The following BPIFB3 variants were observed in gnomAD, a reference collection of about 807,000 sequenced individuals.
BPIFB3 encodes the protein BPI fold containing family B member 3.
BPIFB3 carries 49 observed loss-of-function variants against 53.1 expected under a neutral mutation model. The observed-to-expected ratio is 0.92, with a 90% CI of 0.73 to 1.17. The LOEUF (loss-of-function observed/expected upper bound fraction) is 1.17. Among genes scored for constraint, BPIFB3 ranks in the 50% most tolerant of loss-of-function variants. The pLI, the probability that BPIFB3 is intolerant of heterozygous loss-of-function variation, is 0.00. For synonymous variants in BPIFB3, 271 were observed against 269.6 expected, an observed-to-expected ratio of 1.01 and a Z score of -0.05; for missense variants, 628 against 592.5, an observed-to-expected ratio of 1.06 and a Z score of -0.62.
upstream of BPIFB3, among the ~76,000 whole-genome samples, chr20:33,054,692 C>A (rs891830125): frequency 6.6e-6 from 1 of 152,116 alleles, no homozygotes; most frequent in South Asian, 2.1e-4. Context: ...CCCAGGGCAG[C>A]GGGGAGCCAC....
intron 14 of BPIFB3, 55 bp downstream of exon 15, chr20:33,072,848 G>T: frequency 7.0e-7 from 1 of 1,427,454 alleles, no homozygotes; most frequent in Non-Finnish European, 9.9e-7. Context: ...TCTCTGGAAA[G>T]CTCTGCTTGA....
chr20:33,057,197 C>CTT (rs145254822), intron 2 of BPIFB3, among the ~76,000 whole-genome samples: 2 of 150,934 alleles, frequency 1.3e-5, no homozygotes, highest in African/African-American at 4.9e-5. Flanking sequence ...TTTTTTTTCC[C>CTT]TTTTTTTTTG....
intron 8 of BPIFB3, among the ~76,000 whole-genome samples, chr20:33,066,359 A>C (rs1299019949): frequency 2.0e-5 from 3 of 152,234 alleles, no homozygotes; most frequent in African/African-American, 7.2e-5. Flanking sequence ...ATTTATAAAT[A>C]CTAGAAATAA....
At position 33,061,748 on chromosome 20, in the gene BPIFB3, A is replaced by G. The variant is rs763622691; in HGVS notation, c.528-20A>G. 2.5e-6 allele frequency: 4 copies of G among 1,613,440 alleles called. No individual in the cohort carries two copies. Among genetic ancestry groups the G allele is most frequent in the Non-Finnish European group, 3.4e-6 (4 of 1,179,588 alleles). ...CCGTCCACCTGGCAGCCGCACCCAC[A>G]TGTGTCTCCCTCTGCTCAGGCTGCT... On this transcript the variant is annotated intron_variant, in intron 4 of 14. Transcript: ENST00000375494.
chr20:33,067,632 G>A (rs530453839), intron 9 of BPIFB3, among the ~76,000 whole-genome samples: 1 of 152,218 alleles, frequency 6.6e-6, no homozygotes, highest in Admixed American at 6.5e-5. Flanking sequence ...GAAGGGATGC[G>A]ATTGGAGTCA....
chr20:33,064,520 C>T (rs1345555522), exon 7 of BPIFB3: 1 of 1,614,108 alleles, frequency 6.2e-7, no homozygotes, highest in Middle Eastern at 1.6e-4. Flanking sequence ...CCTCTCATCT[C>T]CAACCAGTAC....
chr20:33,066,479 C>G (rs959347879), intron 8 of BPIFB3, among the ~76,000 whole-genome samples: 12 of 152,208 alleles, frequency 7.9e-5, no homozygotes, highest in African/African-American at 2.9e-4. Flanking sequence ...TTGAAGTTAG[C>G]CTGCCCAGGT....
upstream of BPIFB3, among the ~76,000 whole-genome samples, chr20:33,054,578 T>A (rs1056446949): frequency 6.6e-6 from 1 of 152,136 alleles, no homozygotes; most frequent in African/African-American, 2.4e-5. Context: ...GAACCGCATG[T>A]GCAAAGGCCC....
At chr20:33,054,048 T>TG (rs961257632), upstream of BPIFB3, among the ~76,000 whole-genome samples, 1 of 152,018 alleles carries the variant, frequency 6.6e-6, no homozygotes, top group African/African-American at 2.4e-5. Flanking sequence ...ATATGAATGA[T>TG]GGGCACGGAA....
intron 5 of BPIFB3, among the ~76,000 whole-genome samples, chr20:33,062,898 C>T (rs983951994): frequency 1.3e-5 from 2 of 152,136 alleles, no homozygotes; most frequent in African/African-American, 4.8e-5. Flanking sequence ...GAGTTTGGGG[C>T]CCCCACTTGA....
chr20:33,055,836 G>A (rs1980179733), intron 1 of BPIFB3, among the ~76,000 whole-genome samples: 1 of 152,198 alleles, frequency 6.6e-6, no homozygotes, highest in African/African-American at 2.4e-5. Flanking sequence ...AAGAGGTCGA[G>A]GGGAGGGTGC....
chr20:33,069,170 T>C (rs1980786770), intron 10 of BPIFB3, among the ~76,000 whole-genome samples, 197 bp downstream of exon 11: 1 of 152,010 alleles, frequency 6.6e-6, no homozygotes, highest in Non-Finnish European at 1.5e-5. Flanking sequence ...TCCTGCCTGC[T>C]CCCTCCTGTC....
intron 5 of BPIFB3, 58 bp from the exon 7 acceptor site, chr20:33,063,557 G>T: frequency 6.4e-7 from 1 of 1,573,882 alleles, no homozygotes; most frequent in Non-Finnish European, 8.7e-7. Flanking sequence ...TAAAGAACAT[G>T]CAGCTGTCCT....
chr20:33,055,414 C>T (rs1191139854), upstream of BPIFB3: 4 of 1,613,054 alleles, frequency 2.5e-6, no homozygotes, highest in Admixed American at 1.7e-5. Context: ...TCCTTCTGCT[C>T]CTTATAGGCA....
At chr20:33,056,040 A>G (rs755793967) in intron 1 of BPIFB3, among the ~76,000 whole-genome samples, 9 of 152,056 alleles carry the variant, frequency 5.9e-5, no homozygotes, top group Admixed American at 2.0e-4. Flanking sequence ...TGCCCTTCCC[A>G]CAGTCTGCAC....
Position 33,068,802 on chromosome 20 carries a change from G to C in BPIFB3, c.979-1G>C. 1 of 1,613,158 alleles carries C rather than the reference G, an allele frequency of 6.2e-7. No individual in the cohort carries two copies. The highest frequency in any genetic ancestry group is 1.1e-5 in the South Asian group (1 of 90,974). The stretch of plus-strand genomic sequence containing the variant: ...TAAGTTATGCCCCTGCATTTCTCCA[G>C]GCCCTGGGGAAGCTGCCCCTGCACC... On this transcript the variant is annotated splice_acceptor_variant, in intron 9 of 14. Coordinates refer to ENST00000375494, the Ensembl canonical transcript of BPIFB3. LOFTEE classifies it high-confidence loss of function.
At position 33,069,887 on chromosome 20, in the gene BPIFB3, G is replaced by A. The variant is rs1600544689; in HGVS notation, c.1150-1G>A. ...GACTTCTGCCTGCTTTGCCCATGCA[G>A]GTCATGACTGTGCGTGCCCAGCTGG... On this transcript the variant is annotated splice_acceptor_variant, in intron 10 of 14. Transcript: ENST00000375494. LOFTEE classifies it high-confidence loss of function. 9 of 1,614,208 alleles carry A rather than the reference G, an allele frequency of 5.6e-6. No individual in the cohort carries two copies. Among genetic ancestry groups the A allele is most frequent in the Admixed American group, 3.3e-5 (2 of 60,030 alleles).
chr20:33,055,302 T>C (rs551367740), upstream of BPIFB3: 73 of 1,440,608 alleles, frequency 5.1e-5, no homozygotes, highest in East Asian at 1.7e-3. Flanking sequence ...TTCCTGGGAG[T>C]GAAGCTCAAT....
chr20:33,056,271 A>C (rs1201961925), intron 1 of BPIFB3, among the ~76,000 whole-genome samples: 2 of 152,152 alleles, frequency 1.3e-5, no homozygotes, highest in African/African-American at 2.4e-5. Flanking sequence ...CCACTGGTAA[A>C]ATGAAGGGAT....
Sources: allele counts gnomAD v4.1 joint callset (sites outside exome capture counted in the v4.1 genomes callset), GRCh38; gene constraint gnomAD v4.1.1; transcripts MANE v1.5; gene names NCBI Gene and HGNC (gene_info 2026-07-23, HGNC 2026-07-21).